DAAM1: variants seen among roughly 807,000 people sequenced by gnomAD.
DAAM1 encodes the protein disheveled-associated activator of morphogenesis 1.
A neutral mutation model predicts 130.0 loss-of-function variants in DAAM1; 52 were observed. The observed-to-expected ratio is 0.40, with a 90% CI of 0.32 to 0.50. The LOEUF is 0.50. DAAM1 is among the 20% of genes least tolerant of loss of function. The pLI is 0.61. For synonymous variants in DAAM1, 452 were observed against 444.5 expected (o/e 1.02, Z -0.21); for missense variants, 1,134 against 1,303.8 (o/e 0.87, Z 2.01).
chr14:59,298,413 C>T (rs1884039846), intron 3 of DAAM1, among the ~76,000 whole-genome samples: 1 of 152,154 alleles, frequency 6.6e-6, no homozygotes, highest in Admixed American at 6.5e-5. Flanking sequence ...CATAAACCAC[C>T]CAGTTTTTTT....
Position 59,370,488 on chromosome 14 carries a change from T to C in DAAM1, c.*1629T>C, listed in dbSNP as rs1887124370. 1 of 152,080 alleles carries C rather than the reference T, an allele frequency of 6.6e-6. No homozygotes were observed. The highest frequency in any genetic ancestry group is 1.5e-5 in the Non-Finnish European group (1 of 67,996). The allele number at this position is 152,080 out of a possible 1,614,324, so 9.4% of individuals were successfully genotyped here. A position where few individuals can be genotyped will look rare whatever the true frequency, so the allele number is the denominator to read the frequency against. ...AGGAATCATACTATTTAAAAATAAT[T>C]TGTATAAACTATAATGCTTAGCACA... On this transcript the variant is annotated 3_prime_UTR_variant, in exon 25 of 25. Coordinates refer to ENST00000360909, the MANE Select transcript of DAAM1 (RefSeq NM_001270520.2).
chr14:59,345,594 A>G (rs1886042229), intron 16 of DAAM1, among the ~76,000 whole-genome samples: 1 of 152,190 alleles, frequency 6.6e-6, no homozygotes, highest in South Asian at 2.1e-4. Context: ...AGAGAAAAAG[A>G]CAAGCCAGAG....
intron 16 of DAAM1, among the ~76,000 whole-genome samples, chr14:59,341,364 A>G (rs181923510): frequency 9.3e-4 from 141 of 152,318 alleles, no homozygotes; most frequent in African/African-American, 3.2e-3. Flanking sequence ...ACCACTTAAA[A>G]TAACTTGAAG....
chr14:59,345,366 C>T (rs1886031468), intron 16 of DAAM1, among the ~76,000 whole-genome samples: 1 of 152,180 alleles, frequency 6.6e-6, no homozygotes. Flanking sequence ...ACACAGCTCA[C>T]ATAAGGTGAT....
At chr14:59,256,499 T>G (rs1221405491) in intron 1 of DAAM1, among the ~76,000 whole-genome samples, 1 of 152,216 alleles carries the variant, frequency 6.6e-6, no homozygotes, top group Non-Finnish European at 1.5e-5. Flanking sequence ...TTAAATTGTT[T>G]CCTTGTGTAT....
intron 3 of DAAM1, among the ~76,000 whole-genome samples, chr14:59,300,761 C>T (rs1157943997): frequency 6.6e-6 from 1 of 152,158 alleles, no homozygotes; most frequent in Non-Finnish European, 1.5e-5. Flanking sequence ...TATTTATAGC[C>T]TAACTCCATG....
At chr14:59,224,287 T>C (rs1389023545) in intron 1 of DAAM1, among the ~76,000 whole-genome samples, 1 of 152,212 alleles carries the variant, frequency 6.6e-6, no homozygotes, top group Non-Finnish European at 1.5e-5. Context: ...ACTGTCCTTT[T>C]CCAAGATCCA....
At chr14:59,191,693 C>T (rs1887735081) in intron 1 of DAAM1, among the ~76,000 whole-genome samples, 1 of 152,184 alleles carries the variant, frequency 6.6e-6, no homozygotes, top group Non-Finnish European at 1.5e-5. Flanking sequence ...CTTATTACCC[C>T]TGAACCAGGC....
rs1885081650 is a variant in DAAM1, at chr14:59,323,128, T to C, written c.677T>C (p.Ile226Thr). The C allele has an allele frequency of 1.2e-6, 2 of 1,613,660 alleles. No individual in the cohort carries two copies. ...NIKTKVAVLE[I>T]LGAVCLVPGG... The stretch of plus-strand genomic sequence containing the variant: ...AAAACGAAGGTGGCCGTGCTGGAAA[T>C]CTTGGGCGCCGTGTGCCTGGTTCCC... Residue 226 changes from isoleucine to threonine, a missense_variant, in exon 6 of 25, where the codon ATC becomes ACC. Ile to Thr is a moderately conservative substitution (Grantham distance 89). Transcript: ENST00000360909.
intron 2 of DAAM1, among the ~76,000 whole-genome samples, chr14:59,286,705 C>T (rs1883473706): frequency 6.6e-6 from 1 of 152,046 alleles, no homozygotes; most frequent in Admixed American, 6.6e-5. Flanking sequence ...TTCCCAGAAA[C>T]ACACAGCCTC....
At chr14:59,212,013 A>G (rs1322599718) in intron 1 of DAAM1, among the ~76,000 whole-genome samples, 2 of 152,228 alleles carry the variant, frequency 1.3e-5, no homozygotes, top group Admixed American at 1.3e-4. Flanking sequence ...ATTTTAAGTG[A>G]AATATGTGAT....
intron 15 of DAAM1, 26 bp downstream of exon 15, chr14:59,331,946 CA>C: frequency 6.3e-7 from 1 of 1,583,258 alleles, no homozygotes; most frequent in Non-Finnish European, 8.7e-7. Context: ...CTCCAGACAC[CA>C]AAAAGGTAGA....
At chr14:59,268,637 T>A (rs550041423) in intron 2 of DAAM1, among the ~76,000 whole-genome samples, 2 of 152,354 alleles carry the variant, frequency 1.3e-5, no homozygotes, top group African/African-American at 4.8e-5. Flanking sequence ...GTCTCCCTGC[T>A]AACAATTTTT....
intron 3 of DAAM1, among the ~76,000 whole-genome samples, chr14:59,298,057 T>C (rs919508371): frequency 9.9e-5 from 15 of 152,210 alleles, no homozygotes; most frequent in African/African-American, 3.4e-4. Flanking sequence ...TTATTCTCCC[T>C]CTTACCTTAA....
Position 59,276,440 on chromosome 14 carries a change from G to C in DAAM1, c.183+12780G>C, listed in dbSNP as rs17096014. Among the ~76,000 whole-genome samples the C allele has an allele frequency of 6.5e-3, 993 of 152,182 alleles. 15 individuals carry two copies. Among genetic ancestry groups the C allele is most frequent in the African/African-American group, 0.023 (962 of 41,516 alleles). On this transcript the variant is annotated intron_variant, in intron 2 of 24. Transcript: ENST00000360909. The stretch of plus-strand genomic sequence containing the variant: ...ACTATCACCATGTCATGTGACTTGA[G>C]GTCTGCTTAGGTGCCTCTCCAGGGG...
intron 20 of DAAM1, among the ~76,000 whole-genome samples, chr14:59,358,319 C>T (rs1232269832): frequency 1.3e-5 from 2 of 152,168 alleles, no homozygotes; most frequent in African/African-American, 2.4e-5. Flanking sequence ...CCTTTTCCAT[C>T]CAGGTCAGTC....
At chr14:59,289,175 A>G (rs752679365) in intron 2 of DAAM1, among the ~76,000 whole-genome samples, 25 of 152,040 alleles carry the variant, frequency 1.6e-4, no homozygotes, top group Non-Finnish European at 3.2e-4. Flanking sequence ...TCGGCCTCCT[A>G]AAGTGCTGGG....
chr14:59,199,908 C>T (rs1372600886), intron 1 of DAAM1, among the ~76,000 whole-genome samples: 2 of 152,170 alleles, frequency 1.3e-5, no homozygotes, highest in African/African-American at 4.8e-5. Context: ...CAAATGTCCC[C>T]TGGGGGCAAA....
intron 20 of DAAM1, among the ~76,000 whole-genome samples, chr14:59,355,661 C>A (rs984035070): frequency 1.3e-5 from 2 of 151,942 alleles, no homozygotes; most frequent in Non-Finnish European, 2.9e-5. Context: ...TTATAATATA[C>A]TAAGAAGAGG....
Sources: gnomAD v4.1 joint callset for allele counts (sites outside exome capture counted in the v4.1 genomes callset) on GRCh38, gnomAD v4.1.1 for gene constraint, MANE v1.5 for transcripts, NCBI Gene and HGNC (gene_info 2026-07-23, HGNC 2026-07-21) for gene names.